Variants in LTBP1 observed in about 807,000 individuals in gnomAD.
LTBP1 encodes latent-transforming growth factor beta-binding protein 1.
Under a neutral mutation model 207.6 loss-of-function variants are expected in LTBP1, and 129 were observed. The ratio of observed to expected loss-of-function variants is 0.62; its 90% CI spans 0.54 to 0.72. The LOEUF is 0.72. Among genes scored for constraint, LTBP1 ranks in the 30% least tolerant of loss-of-function variants. LTBP1 has a pLI of 0.00. For missense variants in LTBP1, 2,281 were observed against 2,217.2 expected, an observed-to-expected ratio of 1.03 and a Z score of -0.58; for synonymous variants, 963 against 833.7, an observed-to-expected ratio of 1.16 and a Z score of -2.67.
intron 2 of LTBP1, among the ~76,000 whole-genome samples, chr2:33,005,090 C>A (rs1488682644): frequency 6.6e-6 from 1 of 152,086 alleles, no homozygotes; most frequent in Non-Finnish European, 1.5e-5. Flanking sequence ...ATGCAGCAGG[C>A]TCAGCATGGT....
intron 16 of LTBP1, 66 bp from the exon 17 acceptor site, chr2:33,274,899 A>G: frequency 6.6e-7 from 1 of 1,524,222 alleles, no homozygotes; most frequent in Non-Finnish European, 9.0e-7. Flanking sequence ...ATGGTATTTT[A>G]CAGAACAGGG....
chr2:33,096,903 A>G (rs1402155715), intron 3 of LTBP1, among the ~76,000 whole-genome samples: 1 of 152,190 alleles, frequency 6.6e-6, no homozygotes, highest in Non-Finnish European at 1.5e-5. Context: ...CAAAACTAAA[A>G]AAAGAGAAAG....
At chr2:33,236,231 T>C (rs1448933329) in intron 9 of LTBP1, among the ~76,000 whole-genome samples, 1 of 152,152 alleles carries the variant, frequency 6.6e-6, no homozygotes, top group African/African-American at 2.4e-5. Flanking sequence ...TAATCATAAT[T>C]TTCTATTGTA....
At chr2:33,319,815 A>G (rs1024997789) in intron 24 of LTBP1, among the ~76,000 whole-genome samples, 6 of 152,124 alleles carry the variant, frequency 3.9e-5, no homozygotes, top group Non-Finnish European at 8.8e-5. Flanking sequence ...AGCTTATAGG[A>G]CCTGGCACTT....
intron 24 of LTBP1, among the ~76,000 whole-genome samples, chr2:33,341,808 C>G (rs1039183381): frequency 1.3e-5 from 2 of 150,086 alleles, no homozygotes; most frequent in Non-Finnish European, 1.5e-5. Context: ...GTAACTCTCC[C>G]CAAACTAAAC....
chr2:33,072,862 C>G (rs11896749), intron 3 of LTBP1, among the ~76,000 whole-genome samples: 4 of 152,118 alleles, frequency 2.6e-5, no homozygotes, highest in Non-Finnish European at 4.4e-5. Flanking sequence ...TTTCCATTCA[C>G]GTTTCATTGG....
chr2:33,250,118 G>A (rs753868552), intron 10 of LTBP1, among the ~76,000 whole-genome samples: 5 of 152,136 alleles, frequency 3.3e-5, no homozygotes, highest in Non-Finnish European at 5.9e-5. Flanking sequence ...ATATTGACCG[G>A]AGTGTGAAAA....
At chr2:33,398,297 C>G in intron 33 of LTBP1, 67 bp from the exon 34 acceptor site, 1 of 1,480,072 alleles carries the variant, frequency 6.8e-7, no homozygotes, top group Non-Finnish European at 9.3e-7. Flanking sequence ...TCAGGTAAGC[C>G]TCAGGTTATG....
At chr2:33,262,010 T>C (rs1336575831) in intron 13 of LTBP1, among the ~76,000 whole-genome samples, 2 of 152,170 alleles carry the variant, frequency 1.3e-5, no homozygotes, top group Non-Finnish European at 2.9e-5. Context: ...GGCTAATTGT[T>C]CAGTCTGCCT....
At chr2:33,242,312 A>G (rs1347981195) in intron 9 of LTBP1, among the ~76,000 whole-genome samples, 9 of 152,196 alleles carry the variant, frequency 5.9e-5, no homozygotes. Context: ...AAGTGACTAT[A>G]TAATCTTTCT....
At chr2:33,332,712 A>C (rs765441447) in intron 24 of LTBP1, among the ~76,000 whole-genome samples, 9 of 151,990 alleles carry the variant, frequency 5.9e-5, no homozygotes, top group Non-Finnish European at 1.5e-5. Context: ...GCCCACCACC[A>C]TGCCCAGCTA....
rs1252538133 is a variant in LTBP1, at chr2:33,389,171, G to A, written c.4712-13G>A. On this transcript the variant is annotated splice_polypyrimidine_tract_variant and intron_variant, in intron 31 of 33. Coordinates refer to ENST00000404816, the MANE Select transcript of LTBP1 (RefSeq NM_206943.4). ...ACAGTGGTGGGGCCTCATGCTGCTT[G>A]TCTACTCCTTAGATGACTATGCTCA... is the stretch of plus-strand genomic sequence containing the variant. 1 of 1,614,072 alleles carries A rather than the reference G, an allele frequency of 6.2e-7. No homozygotes were observed. Among genetic ancestry groups the A allele is most frequent in the South Asian group, 1.1e-5 (1 of 91,074 alleles).
intron 15 of LTBP1, among the ~76,000 whole-genome samples, chr2:33,267,841 A>C (rs75260928): frequency 2.0e-5 from 3 of 152,198 alleles, no homozygotes; most frequent in Non-Finnish European, 4.4e-5. Context: ...CTCAGCTTCA[A>C]CTGAACTGCA....
chr2:32,954,001 G>A (rs549158093), intron 2 of LTBP1, among the ~76,000 whole-genome samples: 121 of 152,268 alleles, frequency 7.9e-4, no homozygotes, highest in African/African-American at 2.9e-3. Context: ...GTGTGGTGCT[G>A]TGGAGCTTAC....
chr2:32,972,304 A>T, intron 2 of LTBP1, among the ~76,000 whole-genome samples: 1 of 147,426 alleles, frequency 6.8e-6, no homozygotes, highest in Admixed American at 6.7e-5. Flanking sequence ...TATTTAGTTC[A>T]GCTCTGATTT....
intron 31 of LTBP1, among the ~76,000 whole-genome samples, chr2:33,388,786 C>T (rs1386792250): frequency 6.6e-6 from 1 of 152,126 alleles, no homozygotes; most frequent in Non-Finnish European, 1.5e-5. Context: ...AAAAGCACCT[C>T]TCTGTCAGAA....
chr2:33,072,133 C>A (rs2077823138), intron 3 of LTBP1, among the ~76,000 whole-genome samples: 1 of 152,174 alleles, frequency 6.6e-6, no homozygotes, highest in African/African-American at 2.4e-5. Flanking sequence ...TTGGGTTTGA[C>A]TAATTTGCTA....
At chr2:33,128,365 T>C (rs1199804799) in intron 4 of LTBP1, among the ~76,000 whole-genome samples, 1 of 152,228 alleles carries the variant, frequency 6.6e-6, no homozygotes. Context: ...TTAGGCAGAT[T>C]GCATGCGTAG....
chr2:33,017,774 G>A (rs1014115615), intron 2 of LTBP1, among the ~76,000 whole-genome samples: 12 of 152,118 alleles, frequency 7.9e-5, no homozygotes, highest in Non-Finnish European at 1.8e-4. Context: ...CCACCAGTAC[G>A]CCTGGCTAAT....
Sources: allele counts gnomAD v4.1 joint callset (sites outside exome capture counted in the v4.1 genomes callset), GRCh38; gene constraint gnomAD v4.1.1; transcripts MANE v1.5; gene names NCBI Gene and HGNC (gene_info 2026-07-23, HGNC 2026-07-21).